The following CDH8 variants were observed in gnomAD, a reference collection of about 807,000 sequenced individuals.
The protein encoded by CDH8 is cadherin 8.
In CDH8, 17 loss-of-function variants were observed where a neutral mutation model predicts 68.1. The observed-to-expected ratio is 0.25, with a 90% CI of 0.17 to 0.37. The LOEUF (loss-of-function observed/expected upper bound fraction) is 0.37, where lower values mean the gene tolerates loss of function less well. CDH8 is among the 10% of genes least tolerant of loss of function. CDH8 has a pLI of 1.00. For missense variants in CDH8, 763 were observed against 999.3 expected (o/e 0.76, Z 3.19); for synonymous variants, 372 against 365.1 (o/e 1.02, Z -0.21).
At chr16:61,703,451 CA>C (rs945199133) in intron 10 of CDH8, among the ~76,000 whole-genome samples, 33 of 152,178 alleles carry the variant, frequency 2.2e-4, no homozygotes, top group African/African-American at 8.0e-4. Flanking sequence ...ACATTTAAAA[CA>C]AAGGCAAGTT....
intron 5 of CDH8, among the ~76,000 whole-genome samples, chr16:61,823,877 C>T (rs1276634901): frequency 6.6e-6 from 1 of 151,860 alleles, no homozygotes; most frequent in Admixed American, 6.6e-5. Flanking sequence ...ACCATCCTTC[C>T]ACAGAGCTTC....
intron 2 of CDH8, among the ~76,000 whole-genome samples, chr16:61,986,898 T>G (rs1159954925): frequency 6.6e-6 from 1 of 152,140 alleles, no homozygotes; most frequent in African/African-American, 2.4e-5. Context: ...TTTTCTAGCT[T>G]CTCTTTCTGT....
At position 61,911,535 on chromosome 16, in the gene CDH8, A is replaced by G. The variant is rs146519963; in HGVS notation, c.253-10062T>C. ...AAAGCAGGCATAGGCGTTGGAAGTTAAACTTTAATTCCAAGAGATTCTTCT... is the reference window on the plus strand; with the variant it reads ...AAAGCAGGCATAGGCGTTGGAAGTTGAACTTTAATTCCAAGAGATTCTTCT... On this transcript the variant is annotated intron_variant, in intron 2 of 11. Transcript: ENST00000577390. Among the ~76,000 whole-genome samples the G allele has an allele frequency of 9.9e-3, 1,513 of 152,206 alleles. 8 individuals carry two copies. Among genetic ancestry groups the G allele is most frequent in the Middle Eastern group, 0.014 (4 of 294 alleles).
chr16:61,765,632 A>G (rs1960571323), intron 8 of CDH8, among the ~76,000 whole-genome samples: 1 of 152,026 alleles, frequency 6.6e-6, no homozygotes, highest in Non-Finnish European at 1.5e-5. Flanking sequence ...GGCTTTAACT[A>G]CAGTAAGAAA....
At chr16:61,718,295 T>A (rs1193370423) in intron 9 of CDH8, among the ~76,000 whole-genome samples, 1 of 151,388 alleles carries the variant, frequency 6.6e-6, no homozygotes, top group Non-Finnish European at 1.5e-5. Context: ...AAGAAATAGT[T>A]CTTTCTATGT....
At chr16:61,972,900 T>C (rs1965369175) in intron 2 of CDH8, among the ~76,000 whole-genome samples, 1 of 152,078 alleles carries the variant, frequency 6.6e-6, no homozygotes, top group South Asian at 2.1e-4. Flanking sequence ...TAGAGAAAAA[T>C]GCAAAGCTCA....
chr16:61,851,478 A>G (rs977548845), intron 4 of CDH8, among the ~76,000 whole-genome samples: 1 of 152,084 alleles, frequency 6.6e-6, no homozygotes, highest in Non-Finnish European at 1.5e-5. Context: ...AGCATTTATT[A>G]TTCACTTGCC....
intron 2 of CDH8, among the ~76,000 whole-genome samples, chr16:61,966,324 T>C (rs925296919): frequency 3.5e-5 from 4 of 114,598 alleles, no homozygotes; most frequent in Non-Finnish European, 7.1e-5. Flanking sequence ...CAGATCACGA[T>C]GTCAAGAGAT....
At chr16:61,833,990 T>C (rs1005455372) in intron 4 of CDH8, among the ~76,000 whole-genome samples, 6 of 151,908 alleles carry the variant, frequency 3.9e-5, no homozygotes, top group African/African-American at 1.4e-4. Flanking sequence ...AGCCATGTCA[T>C]AATTATCGCC....
intron 2 of CDH8, among the ~76,000 whole-genome samples, chr16:62,001,001 A>T (rs1965884244): frequency 1.3e-5 from 2 of 152,318 alleles, no homozygotes; most frequent in Middle Eastern, 6.8e-3. Flanking sequence ...GTATTCAACA[A>T]TGCTAAAAAT....
In CDH8 at chr16:61,863,579, G is replaced by A. The variant is rs538161526; in HGVS notation, c.548-6341C>T. Among the ~76,000 whole-genome samples, 32 of 152,156 alleles carry A rather than the reference G, an allele frequency of 2.1e-4. 1 individual carries two copies. In the South Asian group the frequency reaches 6.6e-3, roughly 32 times the overall value. ...CCCTGATCAGGAAAACGACAGTTTG[G>A]TGCAGCGTAAAAATGTGCCCACTGG... On this transcript the variant is annotated intron_variant, in intron 3 of 11. Coordinates refer to ENST00000577390, the MANE Select transcript of CDH8 (RefSeq NM_001796.5).
chr16:61,940,124 G>C (rs562677645), intron 2 of CDH8: 1 of 152,132 alleles, frequency 6.6e-6, no homozygotes, highest in African/African-American at 2.4e-5. Context: ...TATATTTCTA[G>C]GTTAGTCATA....
At chr16:61,988,336 G>A (rs1175037823) in intron 2 of CDH8, among the ~76,000 whole-genome samples, 1 of 152,130 alleles carries the variant, frequency 6.6e-6, no homozygotes, top group Non-Finnish European at 1.5e-5. Context: ...AACTCCACAT[G>A]AACAGAACTA....
intron 3 of CDH8, among the ~76,000 whole-genome samples, chr16:61,866,633 T>G (rs989469504): frequency 6.6e-6 from 1 of 152,106 alleles, no homozygotes; most frequent in African/African-American, 2.4e-5. Flanking sequence ...CTGTTGACTT[T>G]ATTTGATTAT....
chr16:62,013,638 T>C (rs1597126286), intron 2 of CDH8, among the ~76,000 whole-genome samples: 2 of 152,206 alleles, frequency 1.3e-5, no homozygotes, highest in South Asian at 4.1e-4. Flanking sequence ...GCAACCACAC[T>C]CTTATGTTAT....
chr16:61,655,564 G>A lies in CDH8; in HGVS notation c.1812C>T (p.Val604=), dbSNP rs1963426268. ...IRVCGCSNDG[V]VQSCNVEAYV... The stretch of plus-strand genomic sequence containing the variant: ...AAGCTTCGACATTGCAAGACTGGAC[G>A]ACACCGTCATTGCTGCAGCCACAGA... Residue 604 remains valine (V), a synonymous_variant, in exon 11 of 12, where the codon GTC becomes GTT. Transcript: ENST00000577390. The A allele has an allele frequency of 4.3e-6, 7 of 1,614,086 alleles. No homozygotes were observed. The East Asian group carries it at 1.1e-4, about 26-fold the overall frequency.
chr16:61,959,954 TC>T (rs1965062067), intron 2 of CDH8, among the ~76,000 whole-genome samples: 1 of 135,218 alleles, frequency 7.4e-6, no homozygotes, highest in East Asian at 2.3e-4. Context: ...AACAAATCTT[TC>T]TCTGTATGTG....
intron 9 of CDH8, among the ~76,000 whole-genome samples, chr16:61,722,797 C>T (rs1337988775): frequency 1.3e-5 from 2 of 150,530 alleles, no homozygotes; most frequent in African/African-American, 2.4e-5. Context: ...TTTGATACCC[C>T]CATAATAAAC....
chr16:61,929,259 G>A (rs1964503411), intron 2 of CDH8, among the ~76,000 whole-genome samples: 1 of 152,082 alleles, frequency 6.6e-6, no homozygotes, highest in East Asian at 1.9e-4. Context: ...TATTTTCTAT[G>A]TATAAGCATC....
Sources: gnomAD v4.1 joint callset for allele counts (sites outside exome capture counted in the v4.1 genomes callset) on GRCh38, gnomAD v4.1.1 for gene constraint, MANE v1.5 for transcripts, NCBI Gene and HGNC (gene_info 2026-07-23, HGNC 2026-07-21) for gene names.